The following PAWR variants were observed in gnomAD, a reference collection of about 807,000 sequenced individuals.
PAWR encodes the protein pro-apoptotic WT1 regulator.
A neutral mutation model predicts 32.0 loss-of-function variants in PAWR; 23 were observed. The ratio of observed to expected loss-of-function variants is 0.72; its 90% CI spans 0.52 to 1.02. The LOEUF is 1.02. Among genes scored for constraint, PAWR ranks in the 50% least tolerant of loss-of-function variants. The pLI, the probability that PAWR is intolerant of heterozygous loss-of-function variation, is 0.00. For synonymous variants in PAWR, 226 were observed against 187.1 expected, an observed-to-expected ratio of 1.21 and a Z score of -1.70; for missense variants, 457 against 437.7, an observed-to-expected ratio of 1.04 and a Z score of -0.39.
chr12:79,630,665 A>G (rs1175466949), intron 2 of PAWR, among the ~76,000 whole-genome samples: 1 of 152,088 alleles, frequency 6.6e-6, no homozygotes, highest in Non-Finnish European at 1.5e-5. Flanking sequence ...TGAAGCTACC[A>G]AAGTTCAATC....
intron 2 of PAWR, among the ~76,000 whole-genome samples, chr12:79,678,749 A>C (rs1878292247): frequency 6.6e-6 from 1 of 152,168 alleles, no homozygotes; most frequent in Admixed American, 6.5e-5. Flanking sequence ...CTGAAATGTT[A>C]CCCTGTTCCC....
intron 3 of PAWR, among the ~76,000 whole-genome samples, chr12:79,616,328 C>A (rs1488814802): frequency 6.6e-6 from 1 of 151,962 alleles, no homozygotes; most frequent in African/African-American, 2.4e-5. Context: ...CTTGATTGCC[C>A]AGATTGCCTT....
At chr12:79,600,565 C>T (rs567841987) in intron 4 of PAWR, among the ~76,000 whole-genome samples, 12 of 149,676 alleles carry the variant, frequency 8.0e-5, no homozygotes, top group Admixed American at 8.0e-4. Context: ...CTTGAAACCT[C>T]AAAACTCCTA....
At chr12:79,658,459 G>C (rs1877196559) in intron 2 of PAWR, among the ~76,000 whole-genome samples, 1 of 151,950 alleles carries the variant, frequency 6.6e-6, no homozygotes, top group Non-Finnish European at 1.5e-5. Flanking sequence ...GGACAACCAA[G>C]CAGAGAAAAA....
chr12:79,608,021 C>T (rs1415269354), intron 4 of PAWR, among the ~76,000 whole-genome samples: 1 of 150,710 alleles, frequency 6.6e-6, no homozygotes, highest in Non-Finnish European at 1.5e-5. Flanking sequence ...TGCACTCCAG[C>T]CTGGGCGACA....
chr12:79,640,971 A>C (rs1876296293), intron 2 of PAWR, among the ~76,000 whole-genome samples: 1 of 152,224 alleles, frequency 6.6e-6, no homozygotes, highest in Non-Finnish European at 1.5e-5. Flanking sequence ...ATTCTGTTAC[A>C]TTGGCGGTGG....
At chr12:79,607,742 AAAATAAT>A in intron 4 of PAWR, among the ~76,000 whole-genome samples, 1 of 127,694 alleles carries the variant, frequency 7.8e-6, no homozygotes, top group Non-Finnish European at 1.5e-5. Flanking sequence ...AAAAAAAAAA[AAAATAAT>A]AATAATAATA....
Position 79,608,238 on chromosome 12 carries a change from G to GCCATCC in PAWR, c.683+5331_683+5336dup, listed in dbSNP as rs750821638. 1.0e-3 allele frequency among the ~76,000 whole-genome samples: 158 copies of GCCATCC among 152,218 alleles called. 1 individual carries two copies. Among genetic ancestry groups the GCCATCC allele is most frequent in the Non-Finnish European group, 1.5e-3 (103 of 68,022 alleles). On this transcript the variant is annotated intron_variant, in intron 4 of 6. Coordinates refer to ENST00000328827, the MANE Select transcript of PAWR (RefSeq NM_002583.4). Reference sequence around the variant, plus strand: ...GGTTGAGAACTAAAGTTCTTAACTGGCCATCCCCAACCTTTTTGGCAACAG... The same window carrying GCCATCC: ...GGTTGAGAACTAAAGTTCTTAACTGGCCATCCCCATCCCCAACCTTTTTGGCAACAG...
chr12:79,596,852 C>T (rs972088705), intron 4 of PAWR, 194 bp from the exon 5 acceptor site: 11 of 498,668 alleles, frequency 2.2e-5, no homozygotes, highest in South Asian at 1.5e-4. Context: ...TTAATTCTTT[C>T]GACCAATATC....
Position 79,689,972 on chromosome 12 carries a change from G to A in PAWR, c.273C>T (p.Cys91=). 1 of 1,366,362 alleles carries A rather than the reference G, an allele frequency of 7.3e-7. No homozygotes were observed. Among genetic ancestry groups the A allele is most frequent in the Non-Finnish European group, 9.4e-7 (1 of 1,067,266 alleles). 84.6% of individuals were successfully genotyped at this position (1,366,362 alleles called of 1,614,324 possible). Residue 91 remains cysteine (C), a synonymous_variant, in exon 2 of 7, where the codon TGC becomes TGT. Transcript: ENST00000328827. ...PAVPGPGGVN[C]AVGSAMLTRA... ...GCGTCAGCATGGCGGAGCCGACCGC[G>A]CAGTTCACGCCCCCGGGACCGGGGA...
intron 2 of PAWR, among the ~76,000 whole-genome samples, chr12:79,630,122 A>G (rs542414909): frequency 6.6e-6 from 1 of 152,192 alleles, no homozygotes; most frequent in East Asian, 1.9e-4. Flanking sequence ...AAAATACAAT[A>G]AAACAAAATA....
intron 2 of PAWR, among the ~76,000 whole-genome samples, chr12:79,630,140 T>C (rs1309659578): frequency 6.6e-6 from 1 of 151,300 alleles, no homozygotes; most frequent in Admixed American, 6.6e-5. Flanking sequence ...ATAGAAAAAA[T>C]AATGAAACCA....
At position 79,689,722 on chromosome 12, in the gene PAWR, G is replaced by C. The variant is rs1336266163; in HGVS notation, c.516+7C>G. 4 of 1,544,778 alleles carry C rather than the reference G, an allele frequency of 2.6e-6. No individual in the cohort carries two copies. Among genetic ancestry groups the C allele is most frequent in the Middle Eastern group, 2.1e-4 (1 of 4,830 alleles). On this transcript the variant is annotated splice_region_variant and intron_variant, in intron 2 of 6. Transcript: ENST00000328827. ...CCCGGTCCGGCTGCGGCCCCCGCCC[G>C]GCTCACCTCTGCGGCAGGGATGTTG...
intron 2 of PAWR, among the ~76,000 whole-genome samples, chr12:79,650,714 T>TATA: frequency 8.8e-6 from 1 of 113,056 alleles, no homozygotes; most frequent in East Asian, 2.6e-4. Flanking sequence ...TAAAGGTTAT[T>TATA]AAAAAAAAAA....
At chr12:79,686,516 AC>A (rs1878686706) in intron 2 of PAWR, among the ~76,000 whole-genome samples, 1 of 152,206 alleles carries the variant, frequency 6.6e-6, no homozygotes, top group African/African-American at 2.4e-5. Flanking sequence ...TCCATCCCAG[AC>A]CCATTCAATA....
At chr12:79,625,001 C>G (rs1875214197) in intron 2 of PAWR, among the ~76,000 whole-genome samples, 1 of 152,062 alleles carries the variant, frequency 6.6e-6, no homozygotes, top group African/African-American at 2.4e-5. Flanking sequence ...TTTCCAAATT[C>G]CACTCAATAG....
intron 5 of PAWR, among the ~76,000 whole-genome samples, chr12:79,595,083 C>T (rs1200353104): frequency 6.6e-6 from 1 of 152,014 alleles, no homozygotes; most frequent in African/African-American, 2.4e-5. Context: ...TAATGGGTAT[C>T]TTGTTTGAAA....
intron 3 of PAWR, among the ~76,000 whole-genome samples, chr12:79,620,521 G>A (rs1874951662): frequency 6.6e-6 from 1 of 152,136 alleles, no homozygotes; most frequent in East Asian, 1.9e-4. Context: ...AAGCAGGGAA[G>A]GTAAGGCCTC....
At chr12:79,650,488 T>C (rs1208334569) in intron 2 of PAWR, among the ~76,000 whole-genome samples, 1 of 152,130 alleles carries the variant, frequency 6.6e-6, no homozygotes, top group East Asian at 1.9e-4. Flanking sequence ...TCTCAGTATA[T>C]TGGGCAAAAC....
Sources: gnomAD v4.1 joint callset for allele counts (sites outside exome capture counted in the v4.1 genomes callset) on GRCh38, gnomAD v4.1.1 for gene constraint, MANE v1.5 for transcripts, NCBI Gene and HGNC (gene_info 2026-07-23, HGNC 2026-07-21) for gene names.